Variants in ADD3 observed in about 807,000 individuals in gnomAD.
ADD3 encodes the protein gamma-adducin.
ADD3 carries 25 observed loss-of-function variants against 80.2 expected under a neutral mutation model. The observed-to-expected ratio is 0.31, with a 90% confidence interval of 0.23 to 0.44. ADD3 has a LOEUF of 0.44. Among genes scored for constraint, ADD3 ranks in the 20% least tolerant of loss-of-function variants. The pLI is 1.00. For missense variants in ADD3, 829 were observed against 847.5 expected, an observed-to-expected ratio of 0.98 and a Z score of 0.27; for synonymous variants, 284 against 289.6, an observed-to-expected ratio of 0.98 and a Z score of 0.20.
At chr10:110,072,859 G>T (rs1844900394) in intron 1 of ADD3, among the ~76,000 whole-genome samples, 1 of 152,158 alleles carries the variant, frequency 6.6e-6, no homozygotes, top group Non-Finnish European at 1.5e-5. Context: ...ACTATAGGAT[G>T]GCAGACTGTT....
intron 1 of ADD3, among the ~76,000 whole-genome samples, chr10:110,028,646 AT>A (rs1403585927): frequency 6.6e-6 from 1 of 152,212 alleles, no homozygotes; most frequent in Non-Finnish European, 1.5e-5. Flanking sequence ...GTCTCTAAGC[AT>A]TGTGGTTGAG....
At chr10:110,061,706 G>C (rs1858912255) in intron 1 of ADD3, among the ~76,000 whole-genome samples, 1 of 152,058 alleles carries the variant, frequency 6.6e-6, no homozygotes, top group African/African-American at 2.4e-5. Flanking sequence ...AATCATCCTT[G>C]TAAATTTCTA....
chr10:110,039,214 C>G (rs1856005100), intron 1 of ADD3, among the ~76,000 whole-genome samples: 1 of 151,048 alleles, frequency 6.6e-6, no homozygotes. Flanking sequence ...CATGTTGTTG[C>G]TTGCCCCACT....
At chr10:110,023,080 GGAGA>G (rs1460617745) in intron 1 of ADD3, among the ~76,000 whole-genome samples, 1 of 152,170 alleles carries the variant, frequency 6.6e-6, no homozygotes, top group Non-Finnish European at 1.5e-5. Flanking sequence ...AAGTCACGAT[GGAGA>G]GAGAGTGTGT....
intron 2 of ADD3, among the ~76,000 whole-genome samples, chr10:110,107,101 A>G (rs1273254548): frequency 2.0e-5 from 3 of 152,140 alleles, no homozygotes; most frequent in African/African-American, 7.2e-5. Context: ...ACTGAACTAC[A>G]CACTCAGGGA....
At chr10:110,121,128 A>G (rs1039166763) in intron 8 of ADD3, among the ~76,000 whole-genome samples, 4 of 152,180 alleles carry the variant, frequency 2.6e-5, no homozygotes, top group Non-Finnish European at 5.9e-5. Context: ...AGCAATGGCA[A>G]CAAAAGACAA....
intron 3 of ADD3, among the ~76,000 whole-genome samples, chr10:110,114,020 G>C (rs1188707181): frequency 6.6e-6 from 1 of 152,214 alleles, no homozygotes; most frequent in African/African-American, 2.4e-5. Flanking sequence ...AGACTAGTCA[G>C]GGAAAACAGA....
intron 1 of ADD3, among the ~76,000 whole-genome samples, chr10:110,028,591 A>G (rs955853906): frequency 1.3e-5 from 2 of 152,048 alleles, no homozygotes; most frequent in Non-Finnish European, 2.9e-5. Context: ...TAAATAGCCC[A>G]TTTACAAAAT....
At chr10:110,130,169 G>A (rs1852765956) in intron 12 of ADD3, among the ~76,000 whole-genome samples, 194 bp from the exon 13 acceptor site, 1 of 152,088 alleles carries the variant, frequency 6.6e-6, no homozygotes, top group East Asian at 1.9e-4. Context: ...TAGTCCATTG[G>A]ATTAGTAGTT....
intron 1 of ADD3, among the ~76,000 whole-genome samples, chr10:110,085,266 G>A (rs981633154): frequency 2.6e-5 from 4 of 152,158 alleles, no homozygotes; most frequent in Non-Finnish European, 2.9e-5. Context: ...AGTTCAAAAT[G>A]AAATAATGGG....
At chr10:110,074,624 T>G (rs1845173534) in intron 1 of ADD3, among the ~76,000 whole-genome samples, 1 of 152,226 alleles carries the variant, frequency 6.6e-6, no homozygotes, top group Non-Finnish European at 1.5e-5. Context: ...TTCAATTACT[T>G]TGTTTTTAAA....
chr10:110,059,172 C>T (rs1858567750), intron 1 of ADD3, among the ~76,000 whole-genome samples: 1 of 109,814 alleles, frequency 9.1e-6, no homozygotes, highest in South Asian at 2.5e-4. Context: ...AAATGGAAAA[C>T]TAAAGATCAC....
intron 1 of ADD3, among the ~76,000 whole-genome samples, chr10:110,022,956 C>G (rs545526668): frequency 7.2e-5 from 11 of 152,214 alleles, no homozygotes; most frequent in Admixed American, 2.6e-4. Context: ...TTGAGAGGAC[C>G]AGATCATGCA....
intron 1 of ADD3, among the ~76,000 whole-genome samples, chr10:110,079,955 C>A (rs1421119367): frequency 1.3e-5 from 2 of 152,164 alleles, no homozygotes; most frequent in Admixed American, 1.3e-4. Flanking sequence ...GTTCCCATCC[C>A]CTCTCCATCA....
chr10:110,063,097 T>C (rs1386377262), intron 1 of ADD3, among the ~76,000 whole-genome samples: 1 of 152,140 alleles, frequency 6.6e-6, no homozygotes, highest in Non-Finnish European at 1.5e-5. Flanking sequence ...ATGTCTTCAT[T>C]TTTTTTAACG....
At chr10:110,009,324 G>C (rs919584784) in intron 1 of ADD3, among the ~76,000 whole-genome samples, 12 of 152,128 alleles carry the variant, frequency 7.9e-5, no homozygotes, top group African/African-American at 2.9e-4. Context: ...TTTAGATTTA[G>C]CAGTATTAAA....
intron 1 of ADD3, among the ~76,000 whole-genome samples, chr10:110,073,994 T>C (rs1845091191): frequency 6.6e-6 from 1 of 152,098 alleles, no homozygotes; most frequent in African/African-American, 2.4e-5. Flanking sequence ...CTAGACTGAA[T>C]GTCCCACAGA....
intron 12 of ADD3, among the ~76,000 whole-genome samples, chr10:110,127,869 G>A (rs542013112): frequency 2.6e-4 from 39 of 152,122 alleles, no homozygotes; most frequent in African/African-American, 8.9e-4. Context: ...ATAGCTTTCC[G>A]AGAAAAGGAT....
chr10:110,090,446 C>T (rs550631950), intron 1 of ADD3, among the ~76,000 whole-genome samples: 1 of 152,224 alleles, frequency 6.6e-6, no homozygotes, highest in East Asian at 1.9e-4. Context: ...GTCTTGAACT[C>T]CTAAGCTCAG....
Sources: gnomAD v4.1 joint callset for allele counts (sites outside exome capture counted in the v4.1 genomes callset) on GRCh38, gnomAD v4.1.1 for gene constraint, MANE v1.5 for transcripts, NCBI Gene and HGNC (gene_info 2026-07-23, HGNC 2026-07-21) for gene names.